The following VPS8 variants were observed in gnomAD, a reference collection of about 807,000 sequenced individuals.
The protein encoded by VPS8 is vacuolar protein sorting-associated protein 8 homolog.
Under a neutral mutation model 216.4 loss-of-function variants are expected in VPS8, and 129 were observed. The observed-to-expected ratio is 0.60, with a 90% CI of 0.52 to 0.69. VPS8 has a LOEUF of 0.69. Among genes scored for constraint, VPS8 ranks in the 30% least tolerant of loss-of-function variants. The pLI is 0.00. For missense variants in VPS8, 1,531 were observed against 1,683.5 expected (o/e 0.91, Z 1.59); for synonymous variants, 571 against 565.4 (o/e 1.01, Z -0.14).
At chr3:184,986,106 C>T (rs140195330) in intron 42 of VPS8, among the ~76,000 whole-genome samples, 1 of 151,780 alleles carries the variant, frequency 6.6e-6, no homozygotes, top group Non-Finnish European at 1.5e-5. Flanking sequence ...CAAAGGAGTA[C>T]CAATAAAAGT....
At chr3:184,905,267 GTTTC>G (rs1006559420) in intron 25 of VPS8, among the ~76,000 whole-genome samples, 18 of 152,204 alleles carry the variant, frequency 1.2e-4, no homozygotes, top group African/African-American at 4.1e-4. Context: ...CACTAGTTTA[GTTTC>G]TTTGTTTGTT....
At chr3:184,966,629 A>G in intron 38 of VPS8, 42 bp from the exon 39 acceptor site, 3 of 1,426,962 alleles carry the variant, frequency 2.1e-6, no homozygotes, top group African/African-American at 1.4e-5. Flanking sequence ...GTAGAACTAT[A>G]AAGTGTTCCT....
At chr3:184,836,572 C>T (rs1003595683) in intron 5 of VPS8, among the ~76,000 whole-genome samples, 2 of 152,154 alleles carry the variant, frequency 1.3e-5, no homozygotes, top group Non-Finnish European at 2.9e-5. Context: ...GGCTGAGCTC[C>T]TTTGGTATGT....
chr3:184,849,998 A>C lies in VPS8; in HGVS notation c.729A>C (p.Pro243=). 1.2e-6 allele frequency: 2 copies of C among 1,613,196 alleles called. No individual in the cohort carries two copies. The highest frequency in any genetic ancestry group is 1.7e-6 in the Non-Finnish European group (2 of 1,179,548). ...LLRSITDAHP[P]GTAILHIKFT... is the part of the protein sequence containing the mutation. ...GATCAATAACAGATGCTCATCCTCC[A>C]GGAACAGCAATATTGCATATCAAGG... Residue 243 remains proline, a synonymous_variant, in exon 10 of 48, where the codon CCA becomes CCC. Coordinates refer to ENST00000625842, the MANE Select transcript of VPS8 (RefSeq NM_001009921.3).
chr3:185,047,101 C>CA lies in VPS8; in HGVS notation c.4057-1377dup, dbSNP rs577915704. On this transcript the variant is annotated intron_variant, in intron 46 of 47. Transcript: ENST00000625842. ...ACATCCCCCAACCTCCTTCATTACC[C>CA]AGTTTTGCCTGTGCACGTTGCTCTG... Among the ~76,000 whole-genome samples the CA allele has an allele frequency of 1.4e-4, 21 of 152,320 alleles. No homozygotes were observed. In the East Asian group the frequency reaches 3.9e-3, roughly 28 times the overall value.
At chr3:184,862,268 T>A (rs1726523873) in intron 15 of VPS8, among the ~76,000 whole-genome samples, 1 of 152,198 alleles carries the variant, frequency 6.6e-6, no homozygotes, top group Admixed American at 6.5e-5. Context: ...AGAAATCTGA[T>A]TTTATACATA....
At chr3:184,957,079 G>C (rs190037225) in intron 36 of VPS8, among the ~76,000 whole-genome samples, 1 of 152,264 alleles carries the variant, frequency 6.6e-6, no homozygotes, top group Admixed American at 6.5e-5. Flanking sequence ...GGTGGCTCTT[G>C]TTTCTTTTAG....
intron 22 of VPS8, among the ~76,000 whole-genome samples, chr3:184,892,835 A>T (rs1220593988): frequency 2.0e-5 from 3 of 152,140 alleles, no homozygotes; most frequent in Non-Finnish European, 4.4e-5. Flanking sequence ...TTTTGTACTA[A>T]ACTAAAATAT....
At chr3:185,026,410 CTT>C (rs3045678) in intron 46 of VPS8, among the ~76,000 whole-genome samples, 5,363 of 119,094 alleles carry the variant, frequency 0.045, 307 homozygotes, top group African/African-American at 0.16. Flanking sequence ...GGCTGTATTT[CTT>C]TTTTTTTTTT....
intron 3 of VPS8, among the ~76,000 whole-genome samples, chr3:184,830,719 T>G (rs1344517326): frequency 6.6e-6 from 1 of 152,338 alleles, no homozygotes; most frequent in East Asian, 1.9e-4. Context: ...TTGACTCTCT[T>G]GTTTAAGATC....
At chr3:184,981,065 T>C (rs968807549) in intron 40 of VPS8, among the ~76,000 whole-genome samples, 1 of 152,160 alleles carries the variant, frequency 6.6e-6, no homozygotes, top group Non-Finnish European at 1.5e-5. Context: ...TTCCGGAAGA[T>C]TTCAGGGGGC....
chr3:184,951,369 C>T (rs943259934), intron 36 of VPS8, among the ~76,000 whole-genome samples: 3 of 151,678 alleles, frequency 2.0e-5, no homozygotes, highest in Admixed American at 1.3e-4. Context: ...CCTATAGTCT[C>T]AGTTACTCAG....
chr3:184,812,462 G>C (rs891757283), intron 1 of VPS8: 1 of 152,258 alleles, frequency 6.6e-6, no homozygotes, highest in Non-Finnish European at 1.5e-5. Context: ...GCCCGGAACT[G>C]GGTCGGGCAA....
At chr3:184,818,509 G>A (rs553995049) in intron 1 of VPS8, among the ~76,000 whole-genome samples, 22 of 147,764 alleles carry the variant, frequency 1.5e-4, no homozygotes, top group African/African-American at 5.2e-4. Context: ...GTGACAGAGG[G>A]GGAACCTGTC....
chr3:184,954,348 A>T (rs1188724300), intron 36 of VPS8, among the ~76,000 whole-genome samples: 1 of 152,038 alleles, frequency 6.6e-6, no homozygotes, highest in African/African-American at 2.4e-5. Flanking sequence ...GCCATTGGTG[A>T]TCAAGTCAAT....
At chr3:184,897,270 C>A (rs541353735) in intron 23 of VPS8, among the ~76,000 whole-genome samples, 130 of 151,990 alleles carry the variant, frequency 8.6e-4, no homozygotes, top group African/African-American at 3.0e-3. Context: ...AGAGAGATGG[C>A]CTGATTTTGG....
At chr3:185,004,412 C>T (rs1198820205) in intron 45 of VPS8, among the ~76,000 whole-genome samples, 3 of 152,282 alleles carry the variant, frequency 2.0e-5, no homozygotes, top group Admixed American at 6.5e-5. Context: ...GAGGCTGCAG[C>T]GAGCCGAGAT....
At chr3:184,896,994 TA>T (rs529165212) in intron 23 of VPS8, among the ~76,000 whole-genome samples, 13 of 151,232 alleles carry the variant, frequency 8.6e-5, no homozygotes, top group South Asian at 2.1e-4. Flanking sequence ...AGCTAGCATT[TA>T]AAAAAAAAGG....
chr3:184,883,683 C>T (rs1196251129), intron 21 of VPS8, among the ~76,000 whole-genome samples: 1 of 152,040 alleles, frequency 6.6e-6, no homozygotes, highest in Admixed American at 6.6e-5. Flanking sequence ...TTTCAGATGC[C>T]CCCACCCTAC....
Sources: allele counts gnomAD v4.1 joint callset (sites outside exome capture counted in the v4.1 genomes callset), GRCh38; gene constraint gnomAD v4.1.1; transcripts MANE v1.5; gene names NCBI Gene and HGNC (gene_info 2026-07-23, HGNC 2026-07-21).